IL31RA: variants seen among roughly 807,000 people sequenced by gnomAD.
IL31RA encodes the protein interleukin-31 receptor subunit alpha.
A neutral mutation model predicts 83.7 loss-of-function variants in IL31RA; 66 were observed. The observed-to-expected ratio is 0.79, with a 90% CI of 0.65 to 0.97. IL31RA has a LOEUF of 0.97. Ranked by LOEUF, IL31RA falls within the 50% of genes least tolerant of loss-of-function variation. IL31RA has a pLI of 0.00. For synonymous variants in IL31RA, 325 were observed against 329.0 expected (o/e 0.99, Z 0.13); for missense variants, 798 against 919.4 (o/e 0.87, Z 1.71).
intron 2 of IL31RA, among the ~76,000 whole-genome samples, chr5:55,867,223 G>T (rs1487699459): frequency 1.8e-5 from 2 of 112,136 alleles, no homozygotes; most frequent in Non-Finnish European, 3.3e-5. Flanking sequence ...ATGTGTGTTT[G>T]TGTGTGTGTT....
chr5:55,906,078 G>A lies in IL31RA; in HGVS notation c.1070-28G>A, dbSNP rs1749130415. On this transcript the variant is annotated intron_variant, in intron 8 of 14. Coordinates refer to ENST00000652347, the MANE Select transcript of IL31RA (RefSeq NM_139017.7). ...CATTTGGGGAATGAGTTGGGTAGCT[G>A]TGAAGCAGTCCTTTTCTCTCCTTTC... 2.5e-6 allele frequency: 4 copies of A among 1,612,186 alleles called. No homozygotes were observed. In the East Asian group the frequency reaches 6.7e-5, roughly 27 times the overall value.
intron 7 of IL31RA, among the ~76,000 whole-genome samples, chr5:55,897,000 A>T (rs867301078): frequency 4.0e-3 from 1 of 252 alleles, no homozygotes; most frequent in Admixed American, 0.083. Context: ...AAAAAAAAAA[A>T]ATATATATAT....
chr5:55,867,260 T>G (rs1746205664), intron 2 of IL31RA, among the ~76,000 whole-genome samples: 1 of 14,732 alleles, frequency 6.8e-5, no homozygotes, highest in African/African-American at 2.3e-4. Context: ...TGTGCGTGTG[T>G]TTGTGTGCGT....
chr5:55,897,912 G>GAAAATA (rs1329058299), intron 7 of IL31RA, among the ~76,000 whole-genome samples: 1 of 152,188 alleles, frequency 6.6e-6, no homozygotes, highest in Non-Finnish European at 1.5e-5. Flanking sequence ...AAATCCTGTT[G>GAAAATA]AAAATGGAGC....
rs191959713 is a variant in IL31RA at position 55,866,912 on chromosome 5, C to T, written c.155-1879C>T. On this transcript the variant is annotated intron_variant, in intron 2 of 14. Coordinates refer to ENST00000652347, the MANE Select transcript of IL31RA (RefSeq NM_139017.7). ...GACTGCCTTCCTAGGAAGCGCTAGA[C>T]CTTCCTTTGATATATAAAGGTAATT... Among the ~76,000 whole-genome samples the T allele has an allele frequency of 2.0e-5, 3 of 152,302 alleles. No homozygotes were observed. In the East Asian group the frequency reaches 5.8e-4, roughly 29 times the overall value.
intron 6 of IL31RA, among the ~76,000 whole-genome samples, chr5:55,895,527 G>A (rs896173001): frequency 6.6e-6 from 1 of 152,178 alleles, no homozygotes; most frequent in African/African-American, 2.4e-5. Flanking sequence ...GTCTCAGACT[G>A]TGTTGTTTAC....
the IL31RA span, among the ~76,000 whole-genome samples, chr5:55,840,844 T>C: frequency 6.6e-6 from 1 of 152,222 alleles, no homozygotes; most frequent in East Asian, 1.9e-4. Context: ...TGTATTTTTC[T>C]CATTGCTGTA....
chr5:55,896,206 T>C, intron 6 of IL31RA, 144 bp from the exon 7 acceptor site: 2 of 708,924 alleles, frequency 2.8e-6, no homozygotes, highest in Non-Finnish European at 5.3e-6. Flanking sequence ...CTTTGGTCAT[T>C]GCAAAGCTGC....
At chr5:55,868,398 G>T (rs926800323) in intron 2 of IL31RA, among the ~76,000 whole-genome samples, 38 of 152,138 alleles carry the variant, frequency 2.5e-4, no homozygotes, top group Admixed American at 2.4e-3. Flanking sequence ...TTGAAGTGTG[G>T]CATGGTTGTA....
At chr5:55,856,542 G>C (rs937000691) in intron 1 of IL31RA, among the ~76,000 whole-genome samples, 2 of 152,198 alleles carry the variant, frequency 1.3e-5, no homozygotes, top group African/African-American at 4.8e-5. Flanking sequence ...GTCTTCAAGA[G>C]ACTGATATAT....
At position 55,903,043 on chromosome 5, in the gene IL31RA, T is replaced by C. The variant is rs1748921820; in HGVS notation, c.1069+2911T>C. Reference sequence around the variant, plus strand: ...TCCGGTCACAGATGCTGTGTGACACTGAACTGGTTATTGACCTGTGCGGGC... The same window carrying C: ...TCCGGTCACAGATGCTGTGTGACACCGAACTGGTTATTGACCTGTGCGGGC... On this transcript the variant is annotated intron_variant, in intron 8 of 14. Transcript: ENST00000652347. This position sits in a 1 kb window ranked among gnomAD's most constrained non-coding sequence, Gnocchi z 4.7. 1.3e-5 allele frequency among the ~76,000 whole-genome samples: 2 copies of C among 152,230 alleles called. No individual in the cohort carries two copies. Among genetic ancestry groups the C allele is most frequent in the South Asian group, 2.1e-4 (1 of 4,836 alleles).
chr5:55,884,090 G>C (rs1340564646), intron 5 of IL31RA, among the ~76,000 whole-genome samples: 1 of 152,070 alleles, frequency 6.6e-6, no homozygotes, highest in African/African-American at 2.4e-5. Context: ...TTCTGGAAGC[G>C]CTGATTTAAG....
intron 1 of IL31RA, among the ~76,000 whole-genome samples, chr5:55,855,316 A>AATATATAT (rs33990463): frequency 4.8e-5 from 7 of 145,832 alleles, no homozygotes; most frequent in Non-Finnish European, 7.5e-5. Context: ...GATAATTTAA[A>AATATATAT]ATATATATAT....
In IL31RA at chr5:55,851,734, G is replaced by T. The variant is rs1006228449; in HGVS notation, c.63+101G>T. 9.3e-6 allele frequency: 15 copies of T among 1,609,876 alleles called. No individual in the cohort carries two copies. In the African/African-American group the frequency reaches 1.9e-4, roughly 20 times the overall value. On this transcript the variant is annotated intron_variant, in intron 1 of 14. Coordinates refer to ENST00000652347, the MANE Select transcript of IL31RA (RefSeq NM_139017.7). The stretch of plus-strand genomic sequence containing the variant: ...TGAGGGTTGATTTTACCTACCTAGT[G>T]TCTCAAATCCTGAGCCGTATGAGAT...
At chr5:55,908,486 A>C (rs1245353644) in intron 11 of IL31RA, 75 bp downstream of exon 11, 1 of 1,613,840 alleles carries the variant, frequency 6.2e-7, no homozygotes, top group Non-Finnish European at 8.5e-7. Context: ...TGTTGTAGGC[A>C]TGGCTCCCCC....
chr5:55,891,761 A>T (rs1318393697), intron 6 of IL31RA, among the ~76,000 whole-genome samples: 35 of 60,016 alleles, frequency 5.8e-4, no homozygotes, highest in Non-Finnish European at 6.6e-4. Flanking sequence ...TTTGGACAAG[A>T]TTTTTTTTTT....
intron 1 of IL31RA, 38 bp from the exon 2 acceptor site, chr5:55,859,471 T>C (rs1745540247): frequency 1.4e-6 from 2 of 1,423,194 alleles, no homozygotes; most frequent in Non-Finnish European, 2.0e-6. Context: ...TGAAAAGAGA[T>C]ATGAAGCAAA....
intron 9 of IL31RA, 47 bp from the exon 10 acceptor site, chr5:55,907,312 C>A: frequency 1.7e-6 from 2 of 1,147,780 alleles, no homozygotes; most frequent in Non-Finnish European, 2.6e-6. Context: ...ATTCCCCCCA[C>A]TCTGCCGTGC....
At position 55,890,118 on chromosome 5, in the gene IL31RA, G is replaced by A. The variant is rs751267956; in HGVS notation, c.755G>A (p.Gly252Glu). ...AGTGACTGGAGCCAAGAAAAAATGGGAATGACTGAGGAAGAAGGCAAGCTA... is the reference window on the plus strand; with the variant it reads ...AGTGACTGGAGCCAAGAAAAAATGGAAATGACTGAGGAAGAAGGCAAGCTA... Reference protein sequence around the residue: ...FWSDWSQEKMGMTEEEAPCGL... With the variant: ...FWSDWSQEKMEMTEEEAPCGL... The change falls in exon 6 of 15, where the codon GGA (glycine) becomes GAA (glutamate). Residue 252 changes from glycine (G) to glutamate (E), a missense_variant. Transcript: ENST00000652347. 1.9e-6 allele frequency: 3 copies of A among 1,613,882 alleles called. No individual in the cohort carries two copies. The highest frequency in any genetic ancestry group is 1.7e-6 in the Non-Finnish European group (2 of 1,179,820).
Sources: allele counts gnomAD v4.1 joint callset (sites outside exome capture counted in the v4.1 genomes callset), GRCh38; gene constraint gnomAD v4.1.1; non-coding constraint Gnocchi (gnomAD v3.1); transcripts MANE v1.5; gene names NCBI Gene and HGNC (gene_info 2026-07-23, HGNC 2026-07-21).